The following KATNB1 variants were observed in gnomAD, a reference collection of about 807,000 sequenced individuals.
KATNB1 encodes katanin p80 WD40 repeat-containing subunit B1.
KATNB1 carries 38 observed loss-of-function variants against 82.3 expected under a neutral mutation model. The observed-to-expected ratio is 0.46, with a 90% CI of 0.36 to 0.61. The LOEUF is 0.61. KATNB1 is among the 20% of genes least tolerant of loss of function. The pLI is 0.00. For synonymous variants in KATNB1, 361 were observed against 368.7 expected, an observed-to-expected ratio of 0.98 and a Z score of 0.24; for missense variants, 749 against 915.7, an observed-to-expected ratio of 0.82 and a Z score of 2.35.
At chr16:57,740,852 G>A (rs1174272897) in intron 2 of KATNB1, among the ~76,000 whole-genome samples, 1 of 152,086 alleles carries the variant, frequency 6.6e-6, no homozygotes, top group Non-Finnish European at 1.5e-5. Context: ...CCACCCTCTG[G>A]TGCCCGCCCA....
chr16:57,750,981 C>T (rs879963567), intron 5 of KATNB1, 54 bp downstream of exon 5: 5 of 1,418,534 alleles, frequency 3.5e-6, no homozygotes, highest in East Asian at 2.3e-5. Flanking sequence ...GCAGGACCAG[C>T]CCGGCCCGGC....
chr16:57,756,998 C>T lies in KATNB1; in HGVS notation c.*52C>T. Reference sequence around the variant, plus strand: ...CAGCCCACAGGGCCTGGCCTCAGCCCCCACTCCTGTTCCTTGTGCACCCAC... The same window carrying T: ...CAGCCCACAGGGCCTGGCCTCAGCCTCCACTCCTGTTCCTTGTGCACCCAC... On this transcript the variant is annotated 3_prime_UTR_variant, in exon 20 of 20. Coordinates refer to ENST00000379661, the MANE Select transcript of KATNB1 (RefSeq NM_005886.3). The T allele has an allele frequency of 6.9e-7, 1 of 1,453,396 alleles. No homozygotes were observed. The highest frequency in any genetic ancestry group is 9.1e-7 in the Non-Finnish European group (1 of 1,098,474). 90.0% of individuals were successfully genotyped at this position (1,453,396 alleles called of 1,614,324 possible).
In KATNB1 at chr16:57,755,175, G is replaced by C; in HGVS notation, c.1353G>C (p.Glu451Asp). The change falls in exon 15 of 20, where the codon GAG becomes GAC. Residue 451 changes from glutamate to aspartate, a missense_variant. Around this residue, in one of 3 missense-constraint regions of KATNB1, gnomAD observed 407 missense variants for 434.7 expected, o/e 0.94. Transcript: ENST00000379661. Reference protein sequence around the residue: ...VVASTPAPKAEPAIIPATRNE... With the variant: ...VVASTPAPKADPAIIPATRNE... ...CTTCCACACCTGCACCCAAGGCTGA[G>C]CCTGCCATCATCCCTGCCACCCGGA... The C allele has an allele frequency of 6.2e-7, 1 of 1,612,366 alleles. No individual in the cohort carries two copies. Among genetic ancestry groups the C allele is most frequent in the Non-Finnish European group, 8.5e-7 (1 of 1,179,910 alleles).
At chr16:57,741,296 T>C (rs2049139914) in intron 2 of KATNB1, among the ~76,000 whole-genome samples, 1 of 152,228 alleles carries the variant, frequency 6.6e-6, no homozygotes, top group Non-Finnish European at 1.5e-5. Flanking sequence ...TTTTGTATCA[T>C]AGAAAGAGTA....
rs1555585096 is a variant in KATNB1 at position 57,754,957 on chromosome 16, A to G, written c.1256A>G (p.Lys419Arg). The G allele has an allele frequency of 1.2e-6, 2 of 1,614,058 alleles. No homozygotes were observed. Among genetic ancestry groups the G allele is most frequent in the Admixed American group, 3.3e-5 (2 of 60,030 alleles). The change falls in exon 14 of 20, where the codon AAG becomes AGG. Residue 419 changes from lysine to arginine, a missense_variant. Lys to Arg is a conservative substitution (Grantham distance 26, BLOSUM62 2). Around this residue, in one of 3 missense-constraint regions of KATNB1, gnomAD observed 407 missense variants for 434.7 expected, o/e 0.94. Coordinates refer to ENST00000379661, the MANE Select transcript of KATNB1 (RefSeq NM_005886.3). The part of the protein sequence containing the change: ...DDAATAKEAA[K>R]PSPAMDVQFP... ...GCAGCCACAGCAAAGGAGGCAGCAA[A>G]GCCCAGCCCTGCCATGGATGTGCAG...
At position 57,751,627 on chromosome 16, in the gene KATNB1, G is replaced by A. The variant is rs554650979; in HGVS notation, c.433-14G>A. The A allele has an allele frequency of 1.5e-5, 24 of 1,609,342 alleles. No homozygotes were observed. In the South Asian group the frequency reaches 1.5e-4, roughly 10 times the overall value. On this transcript the variant is annotated splice_polypyrimidine_tract_variant and intron_variant, in intron 6 of 19. Transcript: ENST00000379661. This position sits in a 1 kb window ranked among gnomAD's most constrained non-coding sequence, Gnocchi z 6.3. ...CAGGATCCCAGGGTGAGCTCATGCC[G>A]TGTCCTCCCTCAGGGGCACAGCCAG...
At chr16:57,740,955 T>G (rs976873078) in intron 2 of KATNB1, among the ~76,000 whole-genome samples, 6 of 152,198 alleles carry the variant, frequency 3.9e-5, no homozygotes. Context: ...GTAGGCGCGC[T>G]CTGAGGGAGT....
intron 16 of KATNB1, 66 bp from the exon 17 acceptor site, chr16:57,755,775 C>T (rs1427232161): frequency 7.5e-6 from 11 of 1,465,474 alleles, no homozygotes; most frequent in Middle Eastern, 1.8e-4. Flanking sequence ...CGTACCCCCA[C>T]CCTCACCCTC....
At chr16:57,741,557 G>A in intron 2 of KATNB1, 130 bp from the exon 3 acceptor site, 1 of 934,284 alleles carries the variant, frequency 1.1e-6, no homozygotes, top group Non-Finnish European at 1.6e-6. Flanking sequence ...ACACCAAAGG[G>A]GGAGCTGAAG....
chr16:57,750,267 GA>G (rs1288769765), intron 4 of KATNB1, among the ~76,000 whole-genome samples: 7 of 152,200 alleles, frequency 4.6e-5, no homozygotes, highest in Non-Finnish European at 7.3e-5. Flanking sequence ...AGTCTGTGGG[GA>G]GAGTGTGGTA....
intron 12 of KATNB1, 78 bp from the exon 13 acceptor site, chr16:57,753,867 C>T: frequency 7.2e-7 from 1 of 1,396,748 alleles, no homozygotes; most frequent in African/African-American, 1.4e-5. Context: ...CCTCCGTCCC[C>T]CGCACTCTGG....
At position 57,751,643 on chromosome 16, in the gene KATNB1, G is replaced by T; in HGVS notation, c.435G>T (p.Gly145=). 6.2e-7 allele frequency: 1 copy of T among 1,610,826 alleles called. No homozygotes were observed. The highest frequency in any genetic ancestry group is 8.5e-7 in the Non-Finnish European group (1 of 1,179,966). Residue 145 remains glycine, a splice_region_variant and synonymous_variant, in exon 7 of 20, where the codon GGG becomes GGT. Transcript: ENST00000379661. This position sits in a 1 kb window ranked among gnomAD's most constrained non-coding sequence, Gnocchi z 6.3. ...GCTCATGCCGTGTCCTCCCTCAGGG[G>T]CACAGCCAGGCCGTGCGGTGTCTCC... ...RRKGCVFRYR[G]HSQAVRCLRF... is the part of the protein sequence containing the mutation.
intron 2 of KATNB1, among the ~76,000 whole-genome samples, chr16:57,738,442 G>C (rs1597822387): frequency 1.3e-5 from 2 of 152,090 alleles, no homozygotes; most frequent in East Asian, 3.9e-4. Flanking sequence ...TTTTAGTAGA[G>C]ACGGGGTTTC....
intron 4 of KATNB1, among the ~76,000 whole-genome samples, chr16:57,746,890 TTTTC>T (rs1427503817): frequency 6.6e-6 from 1 of 152,166 alleles, no homozygotes; most frequent in African/African-American, 2.4e-5. Context: ...TTTTCTTTTC[TTTTC>T]TTTTTTTGAG....
chr16:57,755,890 A>G lies in KATNB1; in HGVS notation c.1616A>G (p.Asp539Gly), dbSNP rs1555585998. The G allele has an allele frequency of 6.3e-7, 1 of 1,596,858 alleles. No individual in the cohort carries two copies. The highest frequency in any genetic ancestry group is 2.3e-5 in the East Asian group (1 of 44,382). The stretch of plus-strand genomic sequence containing the variant: ...ATCAACGACCTGTCGGTGGTGGTGG[A>G]CCTCCTGAACATCGTCAACCAGAAA... ...VAINDLSVVV[D>G]LLNIVNQKAS... The change falls in exon 17 of 20, where the codon GAC (aspartate) becomes GGC (glycine). Residue 539 changes from aspartate (D) to glycine (G), a missense_variant. Asp to Gly is a moderately conservative substitution (Grantham distance 94, BLOSUM62 -1). Around this residue, in one of 3 missense-constraint regions of KATNB1, gnomAD observed 407 missense variants for 434.7 expected, o/e 0.94. Coordinates refer to ENST00000379661, the MANE Select transcript of KATNB1 (RefSeq NM_005886.3).
rs1417834509 is a variant in KATNB1 at position 57,737,264 on chromosome 16, C to T, written c.21C>T (p.Thr7=). Residue 7 remains threonine, a synonymous_variant, in exon 2 of 20, where the codon ACC becomes ACT. Transcript: ENST00000379661. ...GAAGGATGGCCACCCCTGTGGTCAC[C>T]AAGACAGCCTGGAAGTTGCGTGAGT... is the stretch of plus-strand genomic sequence containing the variant. The part of the protein sequence containing the change: MATPVV[T]KTAWKLQEIV... The T allele has an allele frequency of 1.9e-6, 3 of 1,614,114 alleles. No individual in the cohort carries two copies. Among genetic ancestry groups the T allele is most frequent in the Admixed American group, 1.7e-5 (1 of 60,016 alleles).
At position 57,753,087 on chromosome 16, in the gene KATNB1, C is replaced by G. The variant is rs370835158; in HGVS notation, c.866C>G (p.Ala289Gly). Residue 289 changes from alanine to glycine, a missense_variant, in exon 11 of 20, where the codon GCC (alanine) becomes GGC (glycine). Ala to Gly is a moderately conservative substitution (Grantham distance 60, BLOSUM62 0). This residue lies in a region of KATNB1 where 407 missense variants were observed against 434.7 expected (regional missense o/e 0.94). Coordinates refer to ENST00000379661, the MANE Select transcript of KATNB1 (RefSeq NM_005886.3). ...CTCCGCTTTCTGCAGATAGGTGTGG[C>G]CTTCTCCCAGAGCAACGTCTCCTCC... Reference protein sequence around the residue: ...AICNDQLIGVAFSQSNVSSYV... With the variant: ...AICNDQLIGVGFSQSNVSSYV... 34 of 1,603,664 alleles carry G rather than the reference C, an allele frequency of 2.1e-5. No individual in the cohort carries two copies. Among genetic ancestry groups the G allele is most frequent in the Middle Eastern group, 1.7e-4 (1 of 6,048 alleles).
Position 57,744,426 on chromosome 16 carries a change from C to G in KATNB1, c.204C>G (p.Ser68Arg). 6.2e-7 allele frequency: 1 copy of G among 1,613,798 alleles called. No homozygotes were observed. ...CGGGCCACACATCCCCAGTGGAGAGCGTCCGCCTCAACACCCCCGAGGAGC... is the reference window on the plus strand; with the variant it reads ...CGGGCCACACATCCCCAGTGGAGAGGGTCCGCCTCAACACCCCCGAGGAGC... ...SLTGHTSPVE[S>R]VRLNTPEELI... is the part of the protein sequence containing the mutation. Residue 68 changes from serine to arginine, a missense_variant, in exon 4 of 20, where the codon AGC (serine) becomes AGG (arginine). By Grantham distance (110) the Ser-to-Arg change is moderately radical. Transcript: ENST00000379661.
At chr16:57,747,048 A>AT (rs112934355) in intron 4 of KATNB1, among the ~76,000 whole-genome samples, 11,818 of 152,040 alleles carry the variant, frequency 0.078, 807 homozygotes, top group East Asian at 0.17. Flanking sequence ...TGTCCCGCTA[A>AT]TTTTTGTATT....
Sources: allele counts gnomAD v4.1 joint callset (sites outside exome capture counted in the v4.1 genomes callset), GRCh38; gene constraint gnomAD v4.1.1; regional missense constraint gnomAD v4.1.1; non-coding constraint Gnocchi (gnomAD v3.1); transcripts MANE v1.5; gene names NCBI Gene and HGNC (gene_info 2026-07-23, HGNC 2026-07-21).